Variants in OPCML observed in about 807,000 individuals in gnomAD.
OPCML encodes opioid binding protein/cell adhesion molecule like, also known as opioid-binding protein/cell adhesion molecule.
OPCML carries 13 observed loss-of-function variants against 37.8 expected under a neutral mutation model. The ratio of observed to expected loss-of-function variants is 0.34; its 90% CI spans 0.22 to 0.55. The LOEUF (loss-of-function observed/expected upper bound fraction) is 0.55. Ranked by LOEUF, OPCML falls within the 20% of genes least tolerant of loss-of-function variation. The pLI is 0.91. For synonymous variants in OPCML, 176 were observed against 168.8 expected, an observed-to-expected ratio of 1.04 and a Z score of -0.33; for missense variants, 341 against 435.6, an observed-to-expected ratio of 0.78 and a Z score of 1.93.
chr11:133,489,577 C>T (rs1947608219), intron 1 of OPCML, among the ~76,000 whole-genome samples: 1 of 152,090 alleles, frequency 6.6e-6, no homozygotes, highest in South Asian at 2.1e-4. Flanking sequence ...CAAAAAACAA[C>T]AGGTGTTAGT....
In OPCML at chr11:132,526,576, G is replaced by A. The variant is rs375863041; in HGVS notation, c.505+2485C>T. ...TATAACAAGGCAGGAGCAAAAATAC[G>A]TGTTCTCAGTCCACAAAGTAAAAAG... is the stretch of plus-strand genomic sequence containing the variant. On this transcript the variant is annotated intron_variant, in intron 4 of 7. Coordinates refer to ENST00000524381, the MANE Select transcript of OPCML (RefSeq NM_001012393.5). Among the ~76,000 whole-genome samples the A allele has an allele frequency of 3.9e-5, 6 of 152,166 alleles. 1 individual carries two copies. The highest frequency in any genetic ancestry group is 4.1e-4 in the South Asian group (2 of 4,822).
intron 3 of OPCML, among the ~76,000 whole-genome samples, chr11:132,605,938 G>T (rs543988365): frequency 6.6e-6 from 1 of 152,294 alleles, no homozygotes; most frequent in Non-Finnish European, 1.5e-5. Context: ...TTCAGCTCTG[G>T]TTAGGTTTCC....
chr11:133,203,139 A>G (rs1938876859), intron 1 of OPCML, among the ~76,000 whole-genome samples: 3 of 152,232 alleles, frequency 2.0e-5, no homozygotes, highest in South Asian at 4.1e-4. Context: ...AGCCCGTGGT[A>G]ACTGGTGGTA....
intron 2 of OPCML, among the ~76,000 whole-genome samples, chr11:132,693,585 T>C (rs902386015): frequency 6.6e-6 from 1 of 152,218 alleles, no homozygotes; most frequent in East Asian, 1.9e-4. Flanking sequence ...CCATACTTCA[T>C]GGTAAGTGTT....
intron 4 of OPCML, among the ~76,000 whole-genome samples, chr11:132,481,031 C>T (rs1057309762): frequency 7.9e-5 from 12 of 151,846 alleles, no homozygotes; most frequent in African/African-American, 2.7e-4. Context: ...TAATTATTAA[C>T]TTTAAATATT....
chr11:132,631,570 CT>C (rs1940130452), intron 3 of OPCML, among the ~76,000 whole-genome samples: 1 of 151,096 alleles, frequency 6.6e-6, no homozygotes, highest in Non-Finnish European at 1.5e-5. Context: ...CGCCATTCGC[CT>C]GCCTCAGCCT....
intron 1 of OPCML, among the ~76,000 whole-genome samples, chr11:133,488,572 A>G (rs889888572): frequency 6.6e-6 from 1 of 152,186 alleles, no homozygotes; most frequent in African/African-American, 2.4e-5. Context: ...CTACAAAATT[A>G]TGATGGAATA....
chr11:132,677,459 G>A (rs1261835240), intron 2 of OPCML, among the ~76,000 whole-genome samples: 1 of 152,054 alleles, frequency 6.6e-6, no homozygotes, highest in Non-Finnish European at 1.5e-5. Flanking sequence ...CACAATATTG[G>A]AGTAAAATAA....
At chr11:133,488,977 G>A (rs1366789136) in intron 1 of OPCML, among the ~76,000 whole-genome samples, 1 of 139,232 alleles carries the variant, frequency 7.2e-6, no homozygotes, top group African/African-American at 2.7e-5. Flanking sequence ...ATGTGCACTG[G>A]GGAAAGGACA....
chr11:133,225,659 G>C (rs1940007302), intron 1 of OPCML, among the ~76,000 whole-genome samples: 1 of 152,072 alleles, frequency 6.6e-6, no homozygotes, highest in Non-Finnish European at 1.5e-5. Flanking sequence ...CAAAACAAAA[G>C]AAAAACTGAG....
chr11:133,380,807 T>C (rs1395658866), intron 1 of OPCML, among the ~76,000 whole-genome samples: 17 of 152,174 alleles, frequency 1.1e-4, no homozygotes, highest in Admixed American at 1.1e-3. Context: ...ATCTTGTAGG[T>C]GTGCTTTCTA....
chr11:132,478,502 C>G (rs576890795), intron 4 of OPCML, among the ~76,000 whole-genome samples: 57 of 152,142 alleles, frequency 3.7e-4, no homozygotes, highest in Non-Finnish European at 8.1e-4. Context: ...CCCAAAGAGT[C>G]ATTCACATCA....
At chr11:133,308,383 A>C (rs1170329666) in intron 1 of OPCML, among the ~76,000 whole-genome samples, 1 of 152,204 alleles carries the variant, frequency 6.6e-6, no homozygotes, top group Non-Finnish European at 1.5e-5. Context: ...TTAAATAAAG[A>C]AAGAAATTAT....
At chr11:132,775,882 G>T (rs1946793152) in intron 2 of OPCML, among the ~76,000 whole-genome samples, 1 of 152,206 alleles carries the variant, frequency 6.6e-6, no homozygotes, top group Admixed American at 6.5e-5. Context: ...ATAAGTTAAA[G>T]TACAAAGTGA....
intron 4 of OPCML, among the ~76,000 whole-genome samples, chr11:132,455,692 G>A (rs2096080363): frequency 6.6e-6 from 1 of 152,176 alleles, no homozygotes; most frequent in African/African-American, 2.4e-5. Context: ...CAGTTCTCTT[G>A]TGTTTAAATA....
intron 2 of OPCML, among the ~76,000 whole-genome samples, chr11:132,918,839 A>T (rs1944693756): frequency 6.6e-6 from 1 of 152,204 alleles, no homozygotes; most frequent in Non-Finnish European, 1.5e-5. Flanking sequence ...CCACCTTATG[A>T]AATAGGAAAG....
At chr11:132,713,812 A>G (rs1219306126) in intron 2 of OPCML, among the ~76,000 whole-genome samples, 2 of 152,236 alleles carry the variant, frequency 1.3e-5, no homozygotes, top group Non-Finnish European at 2.9e-5. Flanking sequence ...GCCTGTCAGT[A>G]GCTATTGAGA....
At chr11:132,966,790 T>G (rs557492721) in intron 1 of OPCML, among the ~76,000 whole-genome samples, 1 of 152,142 alleles carries the variant, frequency 6.6e-6, no homozygotes, top group African/African-American at 2.4e-5. Flanking sequence ...GACCCTTTTA[T>G]CATAGTAAAA....
intron 1 of OPCML, among the ~76,000 whole-genome samples, chr11:133,217,320 G>A (rs965968311): frequency 5.9e-5 from 9 of 152,158 alleles, no homozygotes; most frequent in Admixed American, 2.6e-4. Flanking sequence ...ATTCTCACCC[G>A]TTCCCATGGG....
Sources: allele counts gnomAD v4.1 joint callset (sites outside exome capture counted in the v4.1 genomes callset), GRCh38; gene constraint gnomAD v4.1.1; transcripts MANE v1.5; gene names NCBI Gene and HGNC (gene_info 2026-07-23, HGNC 2026-07-21).